The following PCDHGA11 variants were observed in gnomAD, a reference collection of about 807,000 sequenced individuals.
PCDHGA11 encodes the protein protocadherin gamma subfamily A, 11.
A neutral mutation model predicts 60.4 loss-of-function variants in PCDHGA11; 39 were observed. That is an observed-to-expected ratio of 0.65 (90% CI 0.50 to 0.84). The LOEUF (loss-of-function observed/expected upper bound fraction) is 0.84, where lower values mean the gene tolerates loss of function less well. PCDHGA11 is among the 40% of genes least tolerant of loss of function. The pLI is 0.00. For missense variants in PCDHGA11, 1,165 were observed against 1,197.7 expected (o/e 0.97, Z 0.40); for synonymous variants, 533 against 510.3 (o/e 1.04, Z -0.60).
At chr5:141,429,486 A>C (rs2097218130) in intron 1 of PCDHGA11, among the ~76,000 whole-genome samples, 1 of 152,114 alleles carries the variant, frequency 6.6e-6, no homozygotes, top group Non-Finnish European at 1.5e-5. Context: ...AGTAGCTGAG[A>C]CTACAGTTGC....
intron 1 of PCDHGA11, among the ~76,000 whole-genome samples, chr5:141,492,711 C>T (rs927567393): frequency 4.6e-5 from 7 of 152,254 alleles, no homozygotes; most frequent in East Asian, 3.8e-4. Flanking sequence ...AAGCCTCGAG[C>T]AGGCGGACAG....
chr5:141,509,346 G>A (rs946395640), intron 3 of PCDHGA11, among the ~76,000 whole-genome samples: 7 of 152,194 alleles, frequency 4.6e-5, no homozygotes, highest in Non-Finnish European at 8.8e-5. Flanking sequence ...GCCTGGGCTG[G>A]CCTGGGCATC....
Position 141,431,215 on chromosome 5 carries a change from C to T in PCDHGA11, c.2433+7555C>T, listed in dbSNP as rs1225114172. On this transcript the variant is annotated intron_variant, in intron 1 of 3. Transcript: ENST00000398587. The surrounding 1 kb of genome is among the most constrained non-coding windows in gnomAD (Gnocchi z 4.8). ...AAAATGCAGCCACTGAGATGCGGTT[C>T]CCTCTACCCCACGCCTGGGATCCGG... is the stretch of plus-strand genomic sequence containing the variant. 2.5e-6 allele frequency: 4 copies of T among 1,614,066 alleles called. No homozygotes were observed. The highest frequency in any genetic ancestry group is 1.3e-5 in the African/African-American group (1 of 74,942).
chr5:141,429,583 T>A (rs2097226045), intron 1 of PCDHGA11, among the ~76,000 whole-genome samples: 2 of 152,218 alleles, frequency 1.3e-5, no homozygotes, highest in South Asian at 4.1e-4. Flanking sequence ...TTACTTTTGA[T>A]TCTTGTAATT....
chr5:141,487,423 C>T lies in PCDHGA11; in HGVS notation c.2434-7384C>T. 1 of 1,614,158 alleles carries T rather than the reference C, an allele frequency of 6.2e-7. No homozygotes were observed. Among genetic ancestry groups the T allele is most frequent in the Non-Finnish European group, 8.5e-7 (1 of 1,180,012 alleles). On this transcript the variant is annotated intron_variant, in intron 1 of 3. Transcript: ENST00000398587. The surrounding 1 kb of genome is among the most constrained non-coding windows in gnomAD (Gnocchi z 5.0). ...GGCTTCCCCCTTCCAATGGGATCCTCCGAATCCAGCTAGGGTCAGATGACC... is the reference window on the plus strand; with the variant it reads ...GGCTTCCCCCTTCCAATGGGATCCTTCGAATCCAGCTAGGGTCAGATGACC...
At chr5:141,495,923 T>G (rs1337381299) in intron 2 of PCDHGA11, among the ~76,000 whole-genome samples, 4 of 152,306 alleles carry the variant, frequency 2.6e-5, no homozygotes, top group South Asian at 2.1e-4. Context: ...TTTCTTTGTC[T>G]CTGTCTCTGG....
chr5:141,475,980 C>G (rs758066578), intron 1 of PCDHGA11: 3 of 1,028,500 alleles, frequency 2.9e-6, no homozygotes, highest in Admixed American at 2.4e-5. Context: ...ACTGAACAGC[C>G]GGCGAGCAAA....
rs764337284 is a variant in PCDHGA11, at chr5:141,490,255, G to A, written c.2434-4552G>A. Reference sequence around the variant, plus strand: ...GGAGGGCCACTGTGTGATTCAAGTGGATGTGGGGGATGTCAATGACAATGC... The same window carrying A: ...GGAGGGCCACTGTGTGATTCAAGTGAATGTGGGGGATGTCAATGACAATGC... On this transcript the variant is annotated intron_variant, in intron 1 of 3. Transcript: ENST00000398587. The surrounding 1 kb of genome is among the most constrained non-coding windows in gnomAD (Gnocchi z 5.4). 6 of 1,614,118 alleles carry A rather than the reference G, an allele frequency of 3.7e-6. No individual in the cohort carries two copies. In the Admixed American group the frequency reaches 6.7e-5, roughly 18 times the overall value.
At chr5:141,438,875 A>G (rs2098071820) in intron 1 of PCDHGA11, among the ~76,000 whole-genome samples, 1 of 151,738 alleles carries the variant, frequency 6.6e-6, no homozygotes. Flanking sequence ...CAAGTTGGCC[A>G]GGCTGCTCTT....
chr5:141,491,845 G>A lies in PCDHGA11; in HGVS notation c.2434-2962G>A. 6.8e-7 allele frequency: 1 copy of A among 1,463,944 alleles called. No homozygotes were observed. The highest frequency in any genetic ancestry group is 9.0e-7 in the Non-Finnish European group (1 of 1,106,126). 90.7% of individuals were successfully genotyped at this position (1,463,944 alleles called of 1,614,324 possible). ...CTCCACCCGATTCTCGGGATCATTGGACCGTTTGCGCGAAACCAGAGTGGC... is the reference window on the plus strand; with the variant it reads ...CTCCACCCGATTCTCGGGATCATTGAACCGTTTGCGCGAAACCAGAGTGGC... On this transcript the variant is annotated intron_variant, in intron 1 of 3. Coordinates refer to ENST00000398587, the MANE Select transcript of PCDHGA11 (RefSeq NM_018914.3). This position sits in a 1 kb window ranked among gnomAD's most constrained non-coding sequence, Gnocchi z 6.9.
chr5:141,423,165 C>G lies in PCDHGA11; in HGVS notation c.1938C>G (p.Ala646=). The change falls in exon 1 of 4, where the codon GCC becomes GCG. Residue 646 remains alanine, a synonymous_variant. Coordinates refer to ENST00000398587, the MANE Select transcript of PCDHGA11 (RefSeq NM_018914.3). ...RDALKQSLVV[A]VQDHGQPPLS... ...CGCTCAAGCAGAGCCTCGTGGTGGC[C>G]GTCCAGGACCACGGCCAGCCCCCTC... 1 of 1,613,434 alleles carries G rather than the reference C, an allele frequency of 6.2e-7. No individual in the cohort carries two copies. The highest frequency in any genetic ancestry group is 8.5e-7 in the Non-Finnish European group (1 of 1,179,894).
intron 1 of PCDHGA11, chr5:141,441,088 G>A (rs1050261040): frequency 3.9e-5 from 6 of 152,162 alleles, no homozygotes; most frequent in African/African-American, 1.4e-4. Context: ...GGTAGCAAGT[G>A]ACAGAGAGGG....
chr5:141,501,971 G>A (rs2099812098), intron 2 of PCDHGA11, among the ~76,000 whole-genome samples: 1 of 151,956 alleles, frequency 6.6e-6, no homozygotes. Context: ...CCTAACCTCT[G>A]GCATCTGGTC....
intron 1 of PCDHGA11, among the ~76,000 whole-genome samples, chr5:141,466,449 T>C (rs2154569205): frequency 6.6e-6 from 1 of 152,358 alleles, no homozygotes; most frequent in Admixed American, 6.5e-5. Flanking sequence ...ATGTCTATGG[T>C]GTTGGCTATT....
intron 1 of PCDHGA11, among the ~76,000 whole-genome samples, chr5:141,436,424 T>C (rs2154557109): frequency 6.6e-6 from 1 of 152,322 alleles, no homozygotes; most frequent in Middle Eastern, 3.4e-3. Context: ...AAACAAATAA[T>C]GTACTCTGGG....
At chr5:141,433,358 C>CCTATCTATCTAT (rs3074541) in intron 1 of PCDHGA11, 6,701 of 503,954 alleles carry the variant, frequency 0.013, 75 homozygotes, top group East Asian at 0.016. Context: ...CTACTGTCTG[C>CCTATCTATCTAT]CTATCTATCT....
In PCDHGA11 at chr5:141,431,202, C is replaced by T. The variant is rs2097350864; in HGVS notation, c.2433+7542C>T. The stretch of plus-strand genomic sequence containing the variant: ...ATAAAAATTAGTGAAAATGCAGCCA[C>T]TGAGATGCGGTTCCCTCTACCCCAC... On this transcript the variant is annotated intron_variant, in intron 1 of 3. Coordinates refer to ENST00000398587, the MANE Select transcript of PCDHGA11 (RefSeq NM_018914.3). The surrounding 1 kb of genome is among the most constrained non-coding windows in gnomAD (Gnocchi z 4.8). 6.2e-7 allele frequency: 1 copy of T among 1,614,204 alleles called. No individual in the cohort carries two copies. Among genetic ancestry groups the T allele is most frequent in the Non-Finnish European group, 8.5e-7 (1 of 1,180,052 alleles).
chr5:141,486,506 A>C lies in PCDHGA11; in HGVS notation c.2434-8301A>C. The C allele has an allele frequency of 6.2e-7, 1 of 1,614,134 alleles. No individual in the cohort carries two copies. The highest frequency in any genetic ancestry group is 8.5e-7 in the Non-Finnish European group (1 of 1,180,006). Reference sequence around the variant, plus strand: ...TACCCACAGAACTATTTTCCTCAATATTTCAGATGTGAATGATAATCCACC... The same window carrying C: ...TACCCACAGAACTATTTTCCTCAATCTTTCAGATGTGAATGATAATCCACC... On this transcript the variant is annotated intron_variant, in intron 1 of 3. Transcript: ENST00000398587. The surrounding 1 kb of genome is among the most constrained non-coding windows in gnomAD (Gnocchi z 5.0).
At chr5:141,457,063 G>A (rs1477613746) in intron 1 of PCDHGA11, among the ~76,000 whole-genome samples, 1 of 152,104 alleles carries the variant, frequency 6.6e-6, no homozygotes, top group East Asian at 1.9e-4. Context: ...CTTCCTTTTT[G>A]CCAGTAACTA....
Sources: gnomAD v4.1 joint callset for allele counts (sites outside exome capture counted in the v4.1 genomes callset) on GRCh38, gnomAD v4.1.1 for gene constraint, Gnocchi (gnomAD v3.1) non-coding constraint, MANE v1.5 for transcripts, NCBI Gene and HGNC (gene_info 2026-07-23, HGNC 2026-07-21) for gene names.